The following ANKRD50 variants were observed in gnomAD, a reference collection of about 807,000 sequenced individuals.
ANKRD50 encodes ankyrin repeat domain 50.
Under a neutral mutation model 112.0 loss-of-function variants are expected in ANKRD50, and 40 were observed. That is an observed-to-expected ratio of 0.36 (90% CI 0.28 to 0.46). ANKRD50 has a LOEUF of 0.46. ANKRD50 is among the 20% of genes least tolerant of loss of function. The pLI is 1.00. For missense variants in ANKRD50, 1,487 were observed against 1,701.7 expected, an observed-to-expected ratio of 0.87 and a Z score of 2.22; for synonymous variants, 613 against 619.1, an observed-to-expected ratio of 0.99 and a Z score of 0.15.
At chr4:124,707,887 T>A (rs936652664) in intron 2 of ANKRD50, among the ~76,000 whole-genome samples, 2 of 152,148 alleles carry the variant, frequency 1.3e-5, no homozygotes, top group Non-Finnish European at 2.9e-5. Flanking sequence ...GGAAAATCTA[T>A]GATACCATAG....
chr4:124,679,952 C>A (rs34877613), intron 2 of ANKRD50, among the ~76,000 whole-genome samples: 2 of 152,022 alleles, frequency 1.3e-5, no homozygotes, highest in African/African-American at 4.8e-5. Flanking sequence ...GCCAGACTAG[C>A]CTTCTTTCAA....
chr4:124,701,134 T>C (rs1240062693), intron 2 of ANKRD50, among the ~76,000 whole-genome samples: 1 of 152,160 alleles, frequency 6.6e-6, no homozygotes, highest in Admixed American at 6.5e-5. Flanking sequence ...CGACTAATTT[T>C]ATACTGTTAG....
chr4:124,679,172 G>T (rs1724815326), intron 2 of ANKRD50, among the ~76,000 whole-genome samples: 1 of 152,074 alleles, frequency 6.6e-6, no homozygotes, highest in South Asian at 2.1e-4. Flanking sequence ...AAGGCATTCA[G>T]AATTGAAGAA....
chr4:124,710,194 T>A lies in ANKRD50; in HGVS notation c.318A>T (p.Gln106His), dbSNP rs935980067. 1 of 1,614,198 alleles carries A rather than the reference T, an allele frequency of 6.2e-7. No individual in the cohort carries two copies. The highest frequency in any genetic ancestry group is 1.3e-5 in the African/African-American group (1 of 75,050). ...PASLQRGLHR[Q>H]ALAFHFCKAQ... ...CTTTGCAGAAATGAAAGGCCAAAGC[T>A]TGGCGATGTAAACCTCTCTGCAAAC... is the stretch of plus-strand genomic sequence containing the variant. Residue 106 changes from glutamine to histidine, a missense_variant, in exon 2 of 5, where the codon CAA becomes CAT. Coordinates refer to ENST00000504087, the MANE Select transcript of ANKRD50 (RefSeq NM_020337.3).
intron 2 of ANKRD50, among the ~76,000 whole-genome samples, chr4:124,704,711 A>G (rs1245820069): frequency 2.0e-4 from 30 of 152,250 alleles, no homozygotes; most frequent in Non-Finnish European, 8.8e-5. Context: ...ACAAAGCACC[A>G]TGGTAAATAT....
intron 2 of ANKRD50, among the ~76,000 whole-genome samples, chr4:124,708,691 TAC>T (rs10558584): frequency 0.47 from 68,708 of 145,308 alleles, 16,577 homozygotes; most frequent in Middle Eastern, 0.57. Context: ...TACTAACACA[TAC>T]ACACACACAC....
At chr4:124,702,572 G>A (rs1459365703) in intron 2 of ANKRD50, among the ~76,000 whole-genome samples, 15 of 152,080 alleles carry the variant, frequency 9.9e-5, no homozygotes, top group Admixed American at 8.5e-4. Flanking sequence ...TAATATTGAT[G>A]ATCCTAAGAT....
chr4:124,697,525 G>A (rs540794606), intron 2 of ANKRD50, among the ~76,000 whole-genome samples: 1 of 152,266 alleles, frequency 6.6e-6, no homozygotes, highest in Admixed American at 6.5e-5. Flanking sequence ...TATAAAGAGT[G>A]AGGTTGCCTC....
chr4:124,698,844 G>T (rs868085005), intron 2 of ANKRD50, among the ~76,000 whole-genome samples: 3 of 152,030 alleles, frequency 2.0e-5, no homozygotes, highest in Admixed American at 2.0e-4. Context: ...CCATAAAAAT[G>T]ATATACTCCT....
Position 124,671,273 on chromosome 4 carries a change from A to G in ANKRD50, c.2004T>C (p.Ala668=). 1.9e-6 allele frequency: 3 copies of G among 1,613,720 alleles called. No individual in the cohort carries two copies. Among genetic ancestry groups the G allele is most frequent in the Non-Finnish European group, 2.5e-6 (3 of 1,179,800 alleles). ...CTTCATTATCAGCTTTGTTCACTTC[A>G]GCGCCATGTTGTAGCAAATTCAGTA... ...DIVLNLLQHG[A]EVNKADNEGR... The change falls in exon 4 of 5, where the codon GCT becomes GCC. Residue 668 remains alanine (A), a synonymous_variant. Transcript: ENST00000504087.
In ANKRD50 at chr4:124,664,830, T is replaced by C. The variant is rs1730451630; in HGVS notation, c.*2688A>G. 6.6e-6 allele frequency: 1 copy of C among 152,002 alleles called. No homozygotes were observed. The allele number at this position is 152,002 out of a possible 1,614,324, so 9.4% of individuals were successfully genotyped here. On this transcript the variant is annotated 3_prime_UTR_variant, in exon 5 of 5. Transcript: ENST00000504087. ...AGAACAAAAATTATTGGCTGTACTT[T>C]GCAGTACGCACTGATTTCAGGTCAT...
intron 2 of ANKRD50, among the ~76,000 whole-genome samples, chr4:124,688,499 T>G (rs188243835): frequency 3.3e-5 from 5 of 152,254 alleles, no homozygotes; most frequent in Non-Finnish European, 7.4e-5. Flanking sequence ...AACAGTAAAT[T>G]TTACTGTATG....
intron 1 of ANKRD50, 112 bp downstream of exon 1, chr4:124,712,346 G>C (rs6857488): frequency 0.4 from 61,235 of 152,792 alleles, 12,524 homozygotes; most frequent in African/African-American, 0.49. Flanking sequence ...TCTGGGGCTC[G>C]AGGCCGGAGA....
Position 124,710,596 on chromosome 4 carries a change from G to C in ANKRD50, c.-85C>G. On this transcript the variant is annotated 5_prime_UTR_variant, in exon 2 of 5. Coordinates refer to ENST00000504087, the MANE Select transcript of ANKRD50 (RefSeq NM_020337.3). ...CATTATGACATAACTTGTATATTAA[G>C]TTGACTCTGAAGACAGAGTAACTAG... 6.9e-7 allele frequency: 1 copy of C among 1,447,644 alleles called. No individual in the cohort carries two copies. The allele number at this position is 1,447,644 out of a possible 1,614,324, so 89.7% of individuals were successfully genotyped here.
In ANKRD50 at chr4:124,712,695, G is replaced by C. The variant is rs1265493257; in HGVS notation, c.-1001C>G. ...GGTCGTGCTCGCCCCAGCCCCCACC[G>C]GCCAACCGCCGCCGCCGCCGCCGTC... On this transcript the variant is annotated 5_prime_UTR_variant, in exon 1 of 5. Coordinates refer to ENST00000504087, the MANE Select transcript of ANKRD50 (RefSeq NM_020337.3). 4 of 154,716 alleles carry C rather than the reference G, an allele frequency of 2.6e-5. No homozygotes were observed. Among genetic ancestry groups the C allele is most frequent in the African/African-American group, 1.0e-4 (4 of 40,050 alleles). The allele number at this position is 154,716 out of a possible 1,614,324, so 9.6% of individuals were successfully genotyped here. A position where few individuals can be genotyped will look rare whatever the true frequency, so the allele number is the denominator to read the frequency against.
In ANKRD50 at chr4:124,664,786, A is replaced by G. The variant is rs1021764176; in HGVS notation, c.*2732T>C. On this transcript the variant is annotated 3_prime_UTR_variant, in exon 5 of 5. Coordinates refer to ENST00000504087, the MANE Select transcript of ANKRD50 (RefSeq NM_020337.3). Reference sequence around the variant, plus strand: ...ACTATTTTTGGTGAGAATTCCAGTGAGGGTGGGGGTGAAAACAAAGAACAA... The same window carrying G: ...ACTATTTTTGGTGAGAATTCCAGTGGGGGTGGGGGTGAAAACAAAGAACAA... 6.6e-6 allele frequency: 1 copy of G among 151,972 alleles called. No homozygotes were observed. The highest frequency in any genetic ancestry group is 2.4e-5 in the African/African-American group (1 of 41,430). 9.4% of individuals were successfully genotyped at this position (151,972 alleles called of 1,614,324 possible).
Position 124,667,091 on chromosome 4 carries a change from T to G in ANKRD50, c.*427A>C, listed in dbSNP as rs1040611972. 6.6e-6 allele frequency: 1 copy of G among 151,888 alleles called. No individual in the cohort carries two copies. The highest frequency in any genetic ancestry group is 6.6e-5 in the Admixed American group (1 of 15,216). The allele number at this position is 151,888 out of a possible 1,614,324, so 9.4% of individuals were successfully genotyped here. A position where few individuals can be genotyped will look rare whatever the true frequency, so the allele number is the denominator to read the frequency against. On this transcript the variant is annotated 3_prime_UTR_variant, in exon 5 of 5. Coordinates refer to ENST00000504087, the MANE Select transcript of ANKRD50 (RefSeq NM_020337.3). ...GCCATACACTACAATGCAATGTGAC[T>G]GAAACAGTATGTTTAAGTTTCTTTT...
In ANKRD50 at chr4:124,671,963, C is replaced by T. The variant is rs751442384; in HGVS notation, c.1314G>A (p.Met438Ile). Residue 438 changes from methionine to isoleucine, a missense_variant, in exon 4 of 5, where the codon ATG (methionine) becomes ATA (isoleucine). Around this residue, in one of 2 missense-constraint regions of ANKRD50, gnomAD observed 1,046 missense variants for 1,269.5 expected, o/e 0.82. Coordinates refer to ENST00000504087, the MANE Select transcript of ANKRD50 (RefSeq NM_020337.3). ...NAAEGHRMLA[M>I]SYTCQAKNLT... is the part of the protein sequence containing the mutation. ...AATTCTTGGCTTGACAGGTATAACT[C>T]ATAGCCAACATTCTGTGTCCTTCTG... 1 of 1,613,888 alleles carries T rather than the reference C, an allele frequency of 6.2e-7. No homozygotes were observed. The highest frequency in any genetic ancestry group is 1.1e-5 in the South Asian group (1 of 91,082).
rs1340509949 is a variant in ANKRD50 at position 124,665,089 on chromosome 4, T to G, written c.*2429A>C. On this transcript the variant is annotated 3_prime_UTR_variant, in exon 5 of 5. Transcript: ENST00000504087. ...AAGGAGTTTTATATTTGGAGGACAA[T>G]TTTTACTTTTTAATGGAGCAGAAGC... The G allele has an allele frequency of 6.6e-6, 1 of 151,806 alleles. No homozygotes were observed. The highest frequency in any genetic ancestry group is 1.5e-5 in the Non-Finnish European group (1 of 67,808). The allele number at this position is 151,806 out of a possible 1,614,324, so 9.4% of individuals were successfully genotyped here. A position where few individuals can be genotyped will look rare whatever the true frequency, so the allele number is the denominator to read the frequency against.
Sources: allele counts gnomAD v4.1 joint callset (sites outside exome capture counted in the v4.1 genomes callset), GRCh38; gene constraint gnomAD v4.1.1; regional missense constraint gnomAD v4.1.1; transcripts MANE v1.5; gene names NCBI Gene and HGNC (gene_info 2026-07-23, HGNC 2026-07-21).